Variants in CAMK2B observed in about 807,000 individuals in gnomAD.
CAMK2B encodes the protein calcium/calmodulin-dependent protein kinase type II subunit beta.
Under a neutral mutation model 93.7 loss-of-function variants are expected in CAMK2B, and 27 were observed. That is an observed-to-expected ratio of 0.29 (90% CI 0.21 to 0.40). The LOEUF (loss-of-function observed/expected upper bound fraction) is 0.40, where lower values mean the gene tolerates loss of function less well. Among genes scored for constraint, CAMK2B ranks in the 10% least tolerant of loss-of-function variants. The pLI is 1.00. For missense variants in CAMK2B, 568 were observed against 895.8 expected (o/e 0.63, Z 4.67); for synonymous variants, 374 against 358.8 (o/e 1.04, Z -0.48).
rs1283046488 is a variant in CAMK2B at position 44,303,250 on chromosome 7, AAAG to A, written c.66-19028_66-19026del. Among the ~76,000 whole-genome samples, 14 of 152,336 alleles carry A rather than the reference AAAG, an allele frequency of 9.2e-5. No individual in the cohort carries two copies. The East Asian group carries it at 1.2e-3, about 13-fold the overall frequency. On this transcript the variant is annotated intron_variant, in intron 1 of 23. Coordinates refer to ENST00000395749, the MANE Select transcript of CAMK2B (RefSeq NM_001220.5). ...TACAAAACTCTGATGAAAAAATATC[AAAG>A]AAGAACTAAATAAATGCAGAGGCAT...
intron 1 of CAMK2B, among the ~76,000 whole-genome samples, chr7:44,319,454 T>C (rs1795545369): frequency 2.0e-5 from 3 of 152,150 alleles, no homozygotes; most frequent in Admixed American, 6.5e-5. Context: ...AACCTAAACA[T>C]TGCATATCTC....
chr7:44,257,918 C>T (rs1431374369), intron 4 of CAMK2B, among the ~76,000 whole-genome samples: 1 of 152,248 alleles, frequency 6.6e-6, no homozygotes, highest in Non-Finnish European at 1.5e-5. Flanking sequence ...ACGCTCACAG[C>T]AGCCATGGGG....
At chr7:44,309,117 T>C (rs1270494348) in intron 1 of CAMK2B, among the ~76,000 whole-genome samples, 1 of 152,216 alleles carries the variant, frequency 6.6e-6, no homozygotes, top group African/African-American at 2.4e-5. Flanking sequence ...CCACTGCGAC[T>C]GTGCTGTGCA....
intron 2 of CAMK2B, among the ~76,000 whole-genome samples, chr7:44,281,671 C>T (rs2097103320): frequency 6.6e-6 from 1 of 152,130 alleles, no homozygotes; most frequent in South Asian, 2.1e-4. Flanking sequence ...CCCATAATGA[C>T]ACACTCAGGC....
intron 1 of CAMK2B, among the ~76,000 whole-genome samples, chr7:44,306,780 G>A (rs1791706165): frequency 1.4e-5 from 2 of 147,012 alleles, no homozygotes; most frequent in African/African-American, 5.0e-5. Context: ...TGCGAGCAGG[G>A]GAGGAGGGTG....
In CAMK2B at chr7:44,232,818, G is replaced by A; in HGVS notation, c.1176+4C>T. On this transcript the variant is annotated splice_donor_region_variant and intron_variant, in intron 16 of 23. Transcript: ENST00000395749. ...AAAGCGGGAGGAGGAAAGTGGGGCAGTACCTTAATCCCGTCCACTGGGTTA... is the reference window on the plus strand; with the variant it reads ...AAAGCGGGAGGAGGAAAGTGGGGCAATACCTTAATCCCGTCCACTGGGTTA... The A allele has an allele frequency of 6.2e-7, 1 of 1,613,880 alleles. No individual in the cohort carries two copies. The highest frequency in any genetic ancestry group is 2.2e-5 in the East Asian group (1 of 44,872).
chr7:44,291,384 A>C (rs1405737976), intron 1 of CAMK2B, among the ~76,000 whole-genome samples: 8 of 152,138 alleles, frequency 5.3e-5, no homozygotes, highest in Non-Finnish European at 1.0e-4. Context: ...GACGTCCCCC[A>C]GGTAGGTGCA....
chr7:44,238,794 C>T (rs1051386165), intron 13 of CAMK2B, among the ~76,000 whole-genome samples: 6 of 152,220 alleles, frequency 3.9e-5, no homozygotes, highest in Admixed American at 2.6e-4. Context: ...GCGTTGTCAG[C>T]TTGGCCTGCC....
chr7:44,224,231 C>T lies in CAMK2B; in HGVS notation c.1597+2285G>A, dbSNP rs2096447677. Reference sequence around the variant, plus strand: ...GATGGGAAGCCTAGGCTGCCCCTGCCCTGCGGAATGGCGCTGCCCAGACCC... The same window carrying T: ...GATGGGAAGCCTAGGCTGCCCCTGCTCTGCGGAATGGCGCTGCCCAGACCC... On this transcript the variant is annotated intron_variant, in intron 20 of 23. Coordinates refer to ENST00000395749, the MANE Select transcript of CAMK2B (RefSeq NM_001220.5). This position sits in a 1 kb window ranked among gnomAD's most constrained non-coding sequence, Gnocchi z 4.4. 6.6e-6 allele frequency among the ~76,000 whole-genome samples: 1 copy of T among 152,168 alleles called. No homozygotes were observed. The highest frequency in any genetic ancestry group is 6.5e-5 in the Admixed American group (1 of 15,278).
intron 1 of CAMK2B, among the ~76,000 whole-genome samples, chr7:44,323,439 C>G (rs534245293): frequency 2.0e-5 from 3 of 152,260 alleles, no homozygotes; most frequent in African/African-American, 7.2e-5. Flanking sequence ...GGAGCCACCT[C>G]TCTCAACCTT....
Position 44,258,773 on chromosome 7 carries a change from C to T in CAMK2B, c.275+99G>A, listed in dbSNP as rs1040726624. The T allele has an allele frequency of 9.1e-5, 99 of 1,083,984 alleles. 1 individual carries two copies. Among genetic ancestry groups the T allele is most frequent in the South Asian group, 1.1e-4 (8 of 75,258 alleles). The allele number at this position is 1,083,984 out of a possible 1,614,324, so 67.1% of individuals were successfully genotyped here. Reference sequence around the variant, plus strand: ...CACACTCAAGGGAGTGGCCAGCCCACGGGTAGGGACTATTCCCTGGGGCTG... The same window carrying T: ...CACACTCAAGGGAGTGGCCAGCCCATGGGTAGGGACTATTCCCTGGGGCTG... On this transcript the variant is annotated intron_variant, in intron 4 of 23. Coordinates refer to ENST00000395749, the MANE Select transcript of CAMK2B (RefSeq NM_001220.5).
chr7:44,227,769 GAGA>G (rs2096530607), intron 19 of CAMK2B, among the ~76,000 whole-genome samples: 1 of 27,820 alleles, frequency 3.6e-5, no homozygotes, highest in African/African-American at 1.6e-4. Flanking sequence ...GGGACAGAGG[GAGA>G]GTCTGGGGGA....
intron 3 of CAMK2B, among the ~76,000 whole-genome samples, chr7:44,261,494 C>T (rs2096878807): frequency 6.6e-6 from 1 of 152,184 alleles, no homozygotes; most frequent in Non-Finnish European, 1.5e-5. Context: ...CCTCCCCATG[C>T]AGGCCTGGTG....
chr7:44,308,625 G>A (rs10238085), intron 1 of CAMK2B, among the ~76,000 whole-genome samples: 14,282 of 152,234 alleles, frequency 0.094, 881 homozygotes, highest in Middle Eastern at 0.15. Flanking sequence ...TTCCACCAAC[G>A]TGTCTACTTT....
chr7:44,269,501 T>C (rs2096952827), intron 2 of CAMK2B, among the ~76,000 whole-genome samples: 1 of 152,126 alleles, frequency 6.6e-6, no homozygotes, highest in South Asian at 2.1e-4. Flanking sequence ...TATGCCATCC[T>C]CCACCCTCCC....
At chr7:44,220,444 G>C in intron 22 of CAMK2B, 150 bp from the exon 23 acceptor site, 1 of 868,454 alleles carries the variant, frequency 1.2e-6, no homozygotes, top group South Asian at 1.7e-5. Flanking sequence ...CCCTCCAAGA[G>C]TGGGATTCTG....
intron 14 of CAMK2B, 59 bp downstream of exon 14, chr7:44,234,580 G>T (rs955094917): frequency 8.1e-6 from 13 of 1,603,414 alleles, no homozygotes; most frequent in Admixed American, 1.7e-5. Flanking sequence ...CCCAGGGCGT[G>T]GGGGTGAAGC....
intron 2 of CAMK2B, among the ~76,000 whole-genome samples, chr7:44,264,988 T>C (rs62459108): frequency 0.31 from 47,451 of 152,026 alleles, 7,824 homozygotes; most frequent in Non-Finnish European, 0.37. Context: ...GCAACACCCC[T>C]GACCCCCATC....
At chr7:44,242,196 A>G (rs749295252) in intron 10 of CAMK2B, 22 bp downstream of exon 10, 4 of 1,605,070 alleles carry the variant, frequency 2.5e-6, no homozygotes, top group Non-Finnish European at 3.4e-6. Flanking sequence ...CCTCCCCACC[A>G]TGGGCACCAA....
Sources: gnomAD v4.1 joint callset for allele counts (sites outside exome capture counted in the v4.1 genomes callset) on GRCh38, gnomAD v4.1.1 for gene constraint, Gnocchi (gnomAD v3.1) non-coding constraint, MANE v1.5 for transcripts, NCBI Gene and HGNC (gene_info 2026-07-23, HGNC 2026-07-21) for gene names.